CMC1: variants seen among roughly 807,000 people sequenced by gnomAD.
CMC1 encodes the protein COX assembly mitochondrial protein homolog.
Under a neutral mutation model 14.1 loss-of-function variants are expected in CMC1, and 14 were observed. That is an observed-to-expected ratio of 0.99 (90% CI 0.66 to 1.55). CMC1 has a LOEUF of 1.55. Among genes scored for constraint, CMC1 ranks in the 40% most tolerant of loss-of-function variants. The pLI, the probability that CMC1 is intolerant of heterozygous loss-of-function variation, is 0.00. For synonymous variants in CMC1, 50 were observed against 38.4 expected (o/e 1.30, Z -1.12); for missense variants, 127 against 123.8 (o/e 1.03, Z -0.12).
rs1260513075 is a variant in CMC1, at chr3:28,323,910, G to A, written c.*4281G>A. The A allele has an allele frequency of 1.9e-6, 2 of 1,035,696 alleles. No individual in the cohort carries two copies. The highest frequency in any genetic ancestry group is 1.6e-5 in the African/African-American group (1 of 61,108). 64.2% of individuals were successfully genotyped at this position (1,035,696 alleles called of 1,614,324 possible). Reference sequence around the variant, plus strand: ...TGGTTTTTGTACTATTGTACAGTGTGTTCAAATATAGATACTGAAGACCTC... The same window carrying A: ...TGGTTTTTGTACTATTGTACAGTGTATTCAAATATAGATACTGAAGACCTC... On this transcript the variant is annotated 3_prime_UTR_variant, in exon 4 of 4. Coordinates refer to ENST00000466830, the MANE Select transcript of CMC1 (RefSeq NM_182523.2).
Position 28,306,862 on chromosome 3 carries a change from G to A in CMC1, c.110-9471G>A, listed in dbSNP as rs184794284. Among the ~76,000 whole-genome samples, 496 of 152,114 alleles carry A rather than the reference G, an allele frequency of 3.3e-3. 3 individuals are homozygous for A. Among genetic ancestry groups the A allele is most frequent in the Non-Finnish European group, 4.0e-3 (270 of 67,978 alleles). On this transcript the variant is annotated intron_variant, in intron 2 of 3. Transcript: ENST00000466830. ...GTTTTGTCATGTGTTGGCCAGGCTG[G>A]TCTCCAATCCTGACCTCAGGTGATC...
intron 2 of CMC1, among the ~76,000 whole-genome samples, chr3:28,313,509 A>G (rs1702743543): frequency 6.6e-6 from 1 of 152,224 alleles, no homozygotes; most frequent in Non-Finnish European, 1.5e-5. Flanking sequence ...TCAGAATTCC[A>G]TTTTGGAAAT....
chr3:28,257,139 A>G (rs1327369592), intron 1 of CMC1, among the ~76,000 whole-genome samples: 1 of 152,244 alleles, frequency 6.6e-6, no homozygotes, highest in Non-Finnish European at 1.5e-5. Context: ...AGATTTCTAT[A>G]AATTTTTAAG....
intron 2 of CMC1, among the ~76,000 whole-genome samples, chr3:28,311,840 C>G (rs1034935428): frequency 1.3e-5 from 2 of 152,170 alleles, no homozygotes; most frequent in African/African-American, 4.8e-5. Flanking sequence ...CACTTAGACC[C>G]TCTTTCAAAT....
At chr3:28,250,722 T>C (rs1451996573) in intron 1 of CMC1, among the ~76,000 whole-genome samples, 3 of 152,184 alleles carry the variant, frequency 2.0e-5, no homozygotes, top group Admixed American at 2.0e-4. Context: ...CACCAGTAGA[T>C]AGTTGAAAAT....
At chr3:28,265,824 A>G (rs1430156188) in intron 2 of CMC1, among the ~76,000 whole-genome samples, 11 of 152,298 alleles carry the variant, frequency 7.2e-5, no homozygotes, top group Non-Finnish European at 1.2e-4. Flanking sequence ...TTTAACTAAG[A>G]GTTTGGCTGT....
intron 1 of CMC1, among the ~76,000 whole-genome samples, chr3:28,258,875 G>A (rs1341641367): frequency 2.0e-5 from 3 of 151,698 alleles, no homozygotes; most frequent in Admixed American, 6.6e-5. Flanking sequence ...CGCCCGCCTC[G>A]GCCTCCCAAA....
At chr3:28,255,756 CG>C (rs1553613626) in intron 1 of CMC1, among the ~76,000 whole-genome samples, 1 of 151,186 alleles carries the variant, frequency 6.6e-6, no homozygotes, top group Non-Finnish European at 1.5e-5. Flanking sequence ...CACACACACG[CG>C]ACAGAGATGA....
chr3:28,310,151 A>T, intron 2 of CMC1, among the ~76,000 whole-genome samples: 1 of 152,144 alleles, frequency 6.6e-6, no homozygotes. Flanking sequence ...AGTATTTCAC[A>T]TTGGAATTCC....
rs1251793026 is a variant in CMC1, at chr3:28,316,326, A to T, written c.110-7A>T. On this transcript the variant is annotated splice_polypyrimidine_tract_variant and splice_region_variant and intron_variant, in intron 2 of 3. Transcript: ENST00000466830. ...CAAGTAATTTTTTCCTTCCAAATTT[A>T]TTTCAGATTTTACCAAATGTTGCAA... is the stretch of plus-strand genomic sequence containing the variant. 2.0e-6 allele frequency: 3 copies of T among 1,507,784 alleles called. No individual in the cohort carries two copies. Among genetic ancestry groups the T allele is most frequent in the Non-Finnish European group, 2.7e-6 (3 of 1,112,388 alleles). 93.4% of individuals were successfully genotyped at this position (1,507,784 alleles called of 1,614,324 possible).
chr3:28,254,007 C>T (rs544730778), intron 1 of CMC1, among the ~76,000 whole-genome samples: 1 of 152,176 alleles, frequency 6.6e-6, no homozygotes, highest in Admixed American at 6.5e-5. Context: ...ACACATGAGC[C>T]CCAAAGCAAA....
intron 1 of CMC1, among the ~76,000 whole-genome samples, chr3:28,255,718 T>TACACACACAC (rs1207556502): frequency 1.0e-5 from 1 of 99,312 alleles, no homozygotes; most frequent in Non-Finnish European, 2.1e-5. Context: ...TATATACATG[T>TACACACACAC]ACATACACAC....
At chr3:28,246,274 G>A (rs974912130) in intron 1 of CMC1, among the ~76,000 whole-genome samples, 15 of 151,708 alleles carry the variant, frequency 9.9e-5, no homozygotes, top group African/African-American at 2.7e-4. Context: ...TTGTCTCATC[G>A]GATTAACAAC....
chr3:28,324,373 G>A lies in CMC1; in HGVS notation c.*4744G>A. ...ATTTGGTAAGAGAGGGGGATGTCTT[G>A]TGTATGTTGCAGTAAAATTCATCAA... On this transcript the variant is annotated 3_prime_UTR_variant, in exon 4 of 4. Coordinates refer to ENST00000466830, the MANE Select transcript of CMC1 (RefSeq NM_182523.2). The A allele has an allele frequency of 6.3e-7, 1 of 1,580,102 alleles. No homozygotes were observed. The highest frequency in any genetic ancestry group is 8.6e-7 in the Non-Finnish European group (1 of 1,162,658).
At chr3:28,282,946 A>G (rs1276094380) in intron 2 of CMC1, among the ~76,000 whole-genome samples, 1 of 152,188 alleles carries the variant, frequency 6.6e-6, no homozygotes, top group African/African-American at 2.4e-5. Flanking sequence ...ACTTACTAGG[A>G]CATATCTTTC....
chr3:28,312,542 C>G (rs1404094778), intron 2 of CMC1, among the ~76,000 whole-genome samples: 1 of 152,078 alleles, frequency 6.6e-6, no homozygotes, highest in African/African-American at 2.4e-5. Context: ...TCATATTTAT[C>G]CTTTGCTCAA....
chr3:28,254,124 C>T (rs1699272304), intron 1 of CMC1, among the ~76,000 whole-genome samples: 1 of 152,132 alleles, frequency 6.6e-6, no homozygotes, highest in Non-Finnish European at 1.5e-5. Context: ...ATGGTGTTAT[C>T]CTGATTCTTT....
intron 2 of CMC1, among the ~76,000 whole-genome samples, chr3:28,310,929 G>A (rs1702607569): frequency 6.8e-6 from 1 of 147,842 alleles, no homozygotes; most frequent in African/African-American, 2.7e-5. Flanking sequence ...GCTCCTATGA[G>A]AATCTAATGC....
At chr3:28,308,869 GC>G (rs1702471151) in intron 2 of CMC1, among the ~76,000 whole-genome samples, 1 of 152,082 alleles carries the variant, frequency 6.6e-6, no homozygotes, top group Non-Finnish European at 1.5e-5. Flanking sequence ...TGTAGTCCCA[GC>G]TACTCGGGAG....
Sources: gnomAD v4.1 joint callset for allele counts (sites outside exome capture counted in the v4.1 genomes callset) on GRCh38, gnomAD v4.1.1 for gene constraint, MANE v1.5 for transcripts, NCBI Gene and HGNC (gene_info 2026-07-23, HGNC 2026-07-21) for gene names.